The following AKAP12 variants were observed in gnomAD, a reference collection of about 807,000 sequenced individuals.
AKAP12 encodes the protein A-kinase anchor protein 12.
In AKAP12, 32 loss-of-function variants were observed where a neutral mutation model predicts 79.9. That is an observed-to-expected ratio of 0.40 (90% CI 0.30 to 0.54). The LOEUF is 0.54. Ranked by LOEUF, AKAP12 falls within the 20% of genes least tolerant of loss-of-function variation. The pLI is 0.48. For synonymous variants in AKAP12, 808 were observed against 857.0 expected, an observed-to-expected ratio of 0.94 and a Z score of 1.00; for missense variants, 2,074 against 2,177.0, an observed-to-expected ratio of 0.95 and a Z score of 0.94.
intron 2 of AKAP12, among the ~76,000 whole-genome samples, chr6:151,246,474 A>T (rs1361124999): frequency 1.3e-5 from 2 of 152,180 alleles, no homozygotes; most frequent in Non-Finnish European, 2.9e-5. Flanking sequence ...TTGACTTTCC[A>T]AAGAGGTTCT....
Position 151,351,421 on chromosome 6 carries a change from C to T in AKAP12, c.3030C>T (p.Thr1010=), listed in dbSNP as rs753592517. The change falls in exon 4 of 5, where the codon ACC becomes ACT. Residue 1010 remains threonine, a synonymous_variant. Transcript: ENST00000402676. The surrounding 1 kb of genome is among the most constrained non-coding windows in gnomAD (Gnocchi z 4.4). The part of the protein sequence containing the change: ...TEMVSAVSQL[T]DSPDTTEEAT... ...TGGTGTCAGCAGTCTCCCAGTTAAC[C>T]GACTCCCCAGACACCACAGAGGAGG... The T allele has an allele frequency of 1.9e-6, 3 of 1,614,158 alleles. No individual in the cohort carries two copies. The highest frequency in any genetic ancestry group is 1.3e-5 in the African/African-American group (1 of 75,026).
At chr6:151,300,402 A>G (rs761078588) in intron 2 of AKAP12, among the ~76,000 whole-genome samples, 18 of 152,154 alleles carry the variant, frequency 1.2e-4, no homozygotes, top group African/African-American at 2.7e-4. Context: ...CGGTCGTCCA[A>G]TGAGGATGTA....
intron 2 of AKAP12, among the ~76,000 whole-genome samples, chr6:151,298,317 G>A (rs1776782530): frequency 6.6e-6 from 1 of 152,158 alleles, no homozygotes; most frequent in Admixed American, 6.5e-5. Flanking sequence ...GAAGGACACA[G>A]GTAATAACTC....
At chr6:151,305,238 T>C (rs1776954343) in intron 2 of AKAP12, among the ~76,000 whole-genome samples, 2 of 152,174 alleles carry the variant, frequency 1.3e-5, no homozygotes, top group South Asian at 4.2e-4. Flanking sequence ...ATTTGTTCTA[T>C]GTATGCCTCC....
intron 2 of AKAP12, among the ~76,000 whole-genome samples, chr6:151,296,404 A>G (rs1183429164): frequency 1.3e-5 from 2 of 152,198 alleles, no homozygotes; most frequent in African/African-American, 4.8e-5. Flanking sequence ...ATTGCCTTAA[A>G]TCTTTTTTTA....
chr6:151,324,691 A>G (rs1191912226), intron 3 of AKAP12: 1 of 985,322 alleles, frequency 1.0e-6, no homozygotes, highest in East Asian at 1.1e-4. Context: ...AGTGATAAAT[A>G]GGGAAAGGAT....
At chr6:151,325,672 C>T in intron 3 of AKAP12, 3 of 1,421,338 alleles carry the variant, frequency 2.1e-6, no homozygotes, top group Non-Finnish European at 2.7e-6. Context: ...TGCATCCGCG[C>T]TCTGCTTTTC....
At chr6:151,267,877 C>T (rs915133799) in intron 2 of AKAP12, among the ~76,000 whole-genome samples, 2 of 152,118 alleles carry the variant, frequency 1.3e-5, no homozygotes, top group African/African-American at 4.8e-5. Context: ...TTTCCATTGC[C>T]GGGAGACAGA....
At chr6:151,341,699 T>G in intron 3 of AKAP12, 1 of 1,248,522 alleles carries the variant, frequency 8.0e-7, no homozygotes, top group South Asian at 1.4e-5. Context: ...GAGTAGCACG[T>G]GCACCCAAGC....
chr6:151,275,254 C>A (rs1371814841), intron 2 of AKAP12, among the ~76,000 whole-genome samples: 1 of 152,092 alleles, frequency 6.6e-6, no homozygotes, highest in Non-Finnish European at 1.5e-5. Context: ...CTCTTGCTTG[C>A]TGTGTCTGGA....
intron 3 of AKAP12, among the ~76,000 whole-genome samples, chr6:151,322,140 T>C (rs935102814): frequency 8.6e-5 from 13 of 151,972 alleles, no homozygotes; most frequent in South Asian, 4.2e-4. Flanking sequence ...GAACTCCTGA[T>C]CTCGTGATCT....
intron 2 of AKAP12, among the ~76,000 whole-genome samples, chr6:151,259,406 A>G (rs1797365403): frequency 6.7e-6 from 1 of 149,058 alleles, no homozygotes; most frequent in Non-Finnish European, 1.5e-5. Context: ...TAGCATATAT[A>G]TTTATATATG....
At chr6:151,295,180 C>T (rs931930692) in intron 2 of AKAP12, among the ~76,000 whole-genome samples, 5 of 152,184 alleles carry the variant, frequency 3.3e-5, no homozygotes, top group African/African-American at 4.8e-5. Context: ...AAAATGAGTT[C>T]ACCTGTAGTG....
At chr6:151,348,427 C>A in intron 3 of AKAP12, 1 of 537,578 alleles carries the variant, frequency 1.9e-6, no homozygotes. Context: ...TCACTTGAGC[C>A]CAGCAGTTGG....
intron 2 of AKAP12, among the ~76,000 whole-genome samples, chr6:151,285,745 G>T (rs1399023859): frequency 1.3e-5 from 2 of 152,122 alleles, no homozygotes; most frequent in Non-Finnish European, 2.9e-5. Context: ...GTATTTTCTA[G>T]TTTCTAAGAT....
intron 2 of AKAP12, among the ~76,000 whole-genome samples, chr6:151,280,031 G>T (rs753163484): frequency 7.6e-6 from 1 of 131,188 alleles, no homozygotes; most frequent in Non-Finnish European, 1.8e-5. Context: ...ATATCCTTTC[G>T]GTTGTTGTTT....
intron 3 of AKAP12, among the ~76,000 whole-genome samples, chr6:151,340,094 TTTTGTTTG>T (rs928224890): frequency 6.8e-4 from 104 of 151,924 alleles, no homozygotes; most frequent in African/African-American, 2.4e-3. Context: ...CCCGGCTAAT[TTTTGTTTG>T]TTTGTTTGTT....
chr6:151,284,156 T>A (rs1296955075), intron 2 of AKAP12, among the ~76,000 whole-genome samples: 1 of 152,158 alleles, frequency 6.6e-6, no homozygotes, highest in African/African-American at 2.4e-5. Flanking sequence ...CTCCCTTGCA[T>A]CTCCTCCTGG....
At chr6:151,258,045 C>T (rs1270514889) in intron 2 of AKAP12, among the ~76,000 whole-genome samples, 1 of 152,212 alleles carries the variant, frequency 6.6e-6, no homozygotes, top group Non-Finnish European at 1.5e-5. Flanking sequence ...GCTAACCCTC[C>T]TGGGGCAAGC....
Sources: gnomAD v4.1 joint callset for allele counts (sites outside exome capture counted in the v4.1 genomes callset) on GRCh38, gnomAD v4.1.1 for gene constraint, Gnocchi (gnomAD v3.1) non-coding constraint, MANE v1.5 for transcripts, NCBI Gene and HGNC (gene_info 2026-07-23, HGNC 2026-07-21) for gene names.